Variants in DGKI observed in about 807,000 individuals in gnomAD.
DGKI encodes the protein DAG kinase iota.
A neutral mutation model predicts 147.5 loss-of-function variants in DGKI; 55 were observed. The observed-to-expected ratio is 0.37, with a 90% confidence interval of 0.30 to 0.47. The LOEUF is 0.47. DGKI is among the 20% of genes least tolerant of loss of function. The pLI is 1.00. For synonymous variants in DGKI, 469 were observed against 477.1 expected (o/e 0.98, Z 0.22); for missense variants, 1,007 against 1,323.8 (o/e 0.76, Z 3.71).
At chr7:137,578,398 TC>T (rs1819062644) in intron 15 of DGKI, 73 bp from the exon 16 acceptor site, 1 of 1,048,900 alleles carries the variant, frequency 9.5e-7, no homozygotes, top group South Asian at 1.3e-5. Context: ...CACTCCTACT[TC>T]CTCCCCAGCT....
Position 137,430,484 on chromosome 7 carries a change from G to A in DGKI, c.2761+13593C>T, listed in dbSNP as rs574593663. On this transcript the variant is annotated intron_variant, in intron 28 of 32. Coordinates refer to ENST00000614521, the MANE Select transcript of DGKI (RefSeq NM_001321708.2). Reference sequence around the variant, plus strand: ...ACGTGTTAATGGGTGCAGCACACCAGCATGGCACATGTATACATATGTAAC... The same window carrying A: ...ACGTGTTAATGGGTGCAGCACACCAACATGGCACATGTATACATATGTAAC... Among the ~76,000 whole-genome samples, 20 of 151,736 alleles carry A rather than the reference G, an allele frequency of 1.3e-4. No individual in the cohort carries two copies. The South Asian group carries it at 3.8e-3, about 29-fold the overall frequency.
intron 21 of DGKI, among the ~76,000 whole-genome samples, chr7:137,502,531 G>A (rs1816213806): frequency 6.6e-6 from 1 of 151,834 alleles, no homozygotes. Context: ...GGAGGAGGAA[G>A]AACAAGGAAG....
chr7:137,437,584 T>G (rs999165623), intron 28 of DGKI, among the ~76,000 whole-genome samples: 1 of 152,150 alleles, frequency 6.6e-6, no homozygotes, highest in Non-Finnish European at 1.5e-5. Flanking sequence ...TACAAATTTA[T>G]AGATTCATGC....
Position 137,416,427 on chromosome 7 carries a change from T to A in DGKI, c.2762-4220A>T, listed in dbSNP as rs865917315. Among the ~76,000 whole-genome samples the A allele has an allele frequency of 4.6e-5, 7 of 152,228 alleles. No homozygotes were observed. In the Middle Eastern group the frequency reaches 0.014, roughly 296 times the overall value. ...TGAAGGAAGGATGTGAACAAAGAGA[T>A]AAAAGTAAGTCATGGTGTCTGAGGG... On this transcript the variant is annotated intron_variant, in intron 28 of 32. Transcript: ENST00000614521.
Position 137,472,395 on chromosome 7 carries a change from T to C in DGKI, c.2374-2776A>G, listed in dbSNP as rs1325887327. The stretch of plus-strand genomic sequence containing the variant: ...TTATTATATGTATATATACATATTA[T>C]AATTATTATATGTATATATACATAT... On this transcript the variant is annotated intron_variant, in intron 23 of 32. Coordinates refer to ENST00000614521, the MANE Select transcript of DGKI (RefSeq NM_001321708.2). Among the ~76,000 whole-genome samples, 10 of 97,104 alleles carry C rather than the reference T, an allele frequency of 1.0e-4. 1 individual carries two copies. The highest frequency in any genetic ancestry group is 4.7e-4 in the African/African-American group (8 of 16,886). The allele number at this position is 97,104 out of a possible 152,430, so 63.7% of individuals were successfully genotyped here. A position where few individuals can be genotyped will look rare whatever the true frequency, so the allele number is the denominator to read the frequency against.
In DGKI at chr7:137,846,427, C is replaced by A. The variant is rs1284173392; in HGVS notation, c.401+35G>T. On this transcript the variant is annotated intron_variant, in intron 1 of 32. Transcript: ENST00000614521. The surrounding 1 kb of genome is among the most constrained non-coding windows in gnomAD (Gnocchi z 4.0). ...TAGAAGAGTGGGTCTCCCGCCGCGG[C>A]GCACCTGTCTCGGCTGCCGGCTCCC... 6.6e-7 allele frequency: 1 copy of A among 1,513,096 alleles called. No homozygotes were observed. The highest frequency in any genetic ancestry group is 1.8e-5 in the Admixed American group (1 of 57,018). 93.7% of individuals were successfully genotyped at this position (1,513,096 alleles called of 1,614,324 possible).
At chr7:137,555,770 C>T (rs1378240584) in intron 19 of DGKI, among the ~76,000 whole-genome samples, 1 of 152,080 alleles carries the variant, frequency 6.6e-6, no homozygotes, top group Non-Finnish European at 1.5e-5. Flanking sequence ...CCACTACCCC[C>T]TCCCCAAAAA....
intron 1 of DGKI, among the ~76,000 whole-genome samples, chr7:137,748,206 G>A (rs894980895): frequency 4.6e-5 from 7 of 152,034 alleles, no homozygotes; most frequent in Non-Finnish European, 8.8e-5. Context: ...GGCAAAGGAG[G>A]AAGGCTGACT....
chr7:137,607,918 A>T (rs1295821249), intron 10 of DGKI, among the ~76,000 whole-genome samples: 1 of 152,234 alleles, frequency 6.6e-6, no homozygotes, highest in Non-Finnish European at 1.5e-5. Context: ...AAATGTTAAT[A>T]CACATTTTTA....
At chr7:137,418,219 G>A (rs149218132) in intron 28 of DGKI, among the ~76,000 whole-genome samples, 1 of 152,238 alleles carries the variant, frequency 6.6e-6, no homozygotes, top group Non-Finnish European at 1.5e-5. Flanking sequence ...TATGACCTTG[G>A]GCAAGTTAGT....
At chr7:137,560,171 AAAAC>A (rs1167962291) in intron 19 of DGKI, among the ~76,000 whole-genome samples, 1 of 152,196 alleles carries the variant, frequency 6.6e-6, no homozygotes, top group Non-Finnish European at 1.5e-5. Flanking sequence ...TAAAATGAAA[AAAAC>A]AAAATTATTG....
intron 1 of DGKI, among the ~76,000 whole-genome samples, chr7:137,750,377 G>A (rs1218453250): frequency 1.3e-5 from 2 of 152,152 alleles, no homozygotes; most frequent in African/African-American, 4.8e-5. Flanking sequence ...ACACCAAAAT[G>A]CAAAGCCCTC....
Position 137,830,419 on chromosome 7 carries a change from C to T in DGKI, c.401+16043G>A, listed in dbSNP as rs117095498. Among the ~76,000 whole-genome samples the T allele has an allele frequency of 2.0e-4, 31 of 152,298 alleles. 1 individual carries two copies. In the East Asian group the frequency reaches 6.0e-3, roughly 29 times the overall value. On this transcript the variant is annotated intron_variant, in intron 1 of 32. Transcript: ENST00000614521. ...CTGGAGCTGACTGTGCTCTGGAGTG[C>T]AAGAGAATTTTTGTAAATTCATGCA...
intron 19 of DGKI, among the ~76,000 whole-genome samples, chr7:137,559,408 A>G (rs1042261798): frequency 2.0e-5 from 3 of 150,368 alleles, no homozygotes; most frequent in Non-Finnish European, 4.4e-5. Flanking sequence ...CTCAAATTCC[A>G]CCTCCTCCCA....
intron 20 of DGKI, among the ~76,000 whole-genome samples, chr7:137,548,625 T>A (rs1416409693): frequency 6.6e-6 from 1 of 152,204 alleles, no homozygotes; most frequent in Non-Finnish European, 1.5e-5. Context: ...GTCCTATGCT[T>A]GTACAGGCTA....
intron 1 of DGKI, among the ~76,000 whole-genome samples, chr7:137,713,455 A>G (rs1794277343): frequency 2.0e-5 from 3 of 152,238 alleles, no homozygotes; most frequent in Admixed American, 2.0e-4. Flanking sequence ...CTATCACTAT[A>G]ATAACCCCAT....
chr7:137,585,861 A>G (rs1249194042), intron 13 of DGKI, among the ~76,000 whole-genome samples: 1 of 152,198 alleles, frequency 6.6e-6, no homozygotes, highest in Non-Finnish European at 1.5e-5. Flanking sequence ...TGGCCCTGTT[A>G]GGGAGCTACT....
chr7:137,517,368 GGA>G (rs1331332223), intron 21 of DGKI, among the ~76,000 whole-genome samples: 3 of 130,214 alleles, frequency 2.3e-5, no homozygotes, highest in Non-Finnish European at 3.4e-5. Context: ...AAAGAAAGAG[GGA>G]GAGAGAGAGG....
chr7:137,638,816 T>C (rs1197363569), intron 6 of DGKI, among the ~76,000 whole-genome samples: 1 of 151,302 alleles, frequency 6.6e-6, no homozygotes, highest in African/African-American at 2.4e-5. Context: ...TTATAATTTC[T>C]CAGTTTTATA....
Sources: gnomAD v4.1 joint callset for allele counts (sites outside exome capture counted in the v4.1 genomes callset) on GRCh38, gnomAD v4.1.1 for gene constraint, Gnocchi (gnomAD v3.1) non-coding constraint, MANE v1.5 for transcripts, NCBI Gene and HGNC (gene_info 2026-07-23, HGNC 2026-07-21) for gene names.